DPYD: variants seen among roughly 807,000 people sequenced by gnomAD.
DPYD encodes dihydropyrimidine dehydrogenase [NADP(+)].
Under a neutral mutation model 116.2 loss-of-function variants are expected in DPYD, and 109 were observed. The observed-to-expected ratio is 0.94, with a 90% CI of 0.80 to 1.10. DPYD has a LOEUF of 1.10. Among genes scored for constraint, DPYD ranks in the 50% least tolerant of loss-of-function variants. The pLI is 0.00. For missense variants in DPYD, 1,302 were observed against 1,254.5 expected (o/e 1.04, Z -0.57); for synonymous variants, 440 against 432.0 (o/e 1.02, Z -0.23).
At chr1:97,189,482 T>A (rs1483038658) in intron 20 of DPYD, among the ~76,000 whole-genome samples, 1 of 152,212 alleles carries the variant, frequency 6.6e-6, no homozygotes, top group Non-Finnish European at 1.5e-5. Flanking sequence ...GCTTTTCCAG[T>A]TGCAAAATTT....
intron 19 of DPYD, among the ~76,000 whole-genome samples, chr1:97,208,242 C>T (rs1229260346): frequency 2.2e-5 from 3 of 135,864 alleles, no homozygotes; most frequent in Non-Finnish European, 4.8e-5. Context: ...TCTCTTTCTT[C>T]TTTCTCTTTC....
intron 8 of DPYD, among the ~76,000 whole-genome samples, chr1:97,610,168 A>C (rs2786500): frequency 0.15 from 23,442 of 151,906 alleles, 2,028 homozygotes; most frequent in African/African-American, 0.22. Context: ...TTAAACTATA[A>C]CTGTCCCAGA....
chr1:97,679,027 C>A (rs1571177066), intron 8 of DPYD, 68 bp downstream of exon 8: 1 of 734,792 alleles, frequency 1.4e-6, no homozygotes, highest in South Asian at 2.6e-5. Context: ...GGCAGTCATT[C>A]TTCTGGATAT....
At chr1:97,547,249 G>T (rs1304671272) in intron 12 of DPYD, among the ~76,000 whole-genome samples, 1 of 152,092 alleles carries the variant, frequency 6.6e-6, no homozygotes, top group Non-Finnish European at 1.5e-5. Context: ...AAATTACTCT[G>T]AAAATAAGAG....
At chr1:97,277,423 A>G (rs1665012283) in intron 18 of DPYD, among the ~76,000 whole-genome samples, 1 of 152,098 alleles carries the variant, frequency 6.6e-6, no homozygotes, top group Admixed American at 6.5e-5. Context: ...ATAAACAAAC[A>G]AACAAAATGC....
intron 12 of DPYD, among the ~76,000 whole-genome samples, chr1:97,533,888 A>G (rs2297779): frequency 0.011 from 1,629 of 152,168 alleles, 36 homozygotes; most frequent in African/African-American, 0.037. Flanking sequence ...TGTGAAGATC[A>G]AATGAGAAAA....
In DPYD at chr1:97,235,683, C is replaced by A. The variant is rs1338205784; in HGVS notation, c.2300-689G>T. On this transcript the variant is annotated intron_variant, in intron 18 of 22. Coordinates refer to ENST00000370192, the MANE Select transcript of DPYD (RefSeq NM_000110.4). ...CAGATTTTGAAAAGAAAAACAATCC[C>A]ATATAGTACATCAGTAGACATACAG... 2.6e-5 allele frequency among the ~76,000 whole-genome samples: 4 copies of A among 151,954 alleles called. No homozygotes were observed. In the East Asian group the frequency reaches 7.7e-4, roughly 29 times the overall value.
intron 11 of DPYD, 145 bp from the exon 12 acceptor site, chr1:97,549,889 G>A: frequency 1.0e-5 from 8 of 794,394 alleles, no homozygotes; most frequent in Non-Finnish European, 1.6e-5. Flanking sequence ...AAAATGAAAA[G>A]CTAACGAAAT....
chr1:97,832,560 A>G (rs1195538831), intron 2 of DPYD, among the ~76,000 whole-genome samples: 1 of 152,186 alleles, frequency 6.6e-6, no homozygotes, highest in East Asian at 1.9e-4. Context: ...TAATACCCAT[A>G]AATATTTTGC....
At chr1:97,118,616 G>A (rs766209883) in intron 20 of DPYD, among the ~76,000 whole-genome samples, 13 of 152,006 alleles carry the variant, frequency 8.6e-5, no homozygotes, top group Non-Finnish European at 1.8e-4. Flanking sequence ...TACTGAACGT[G>A]GAATCAATAC....
intron 6 of DPYD, among the ~76,000 whole-genome samples, chr1:97,695,425 T>C (rs1312248828): frequency 6.7e-6 from 1 of 149,414 alleles, no homozygotes; most frequent in Non-Finnish European, 1.5e-5. Flanking sequence ...AAAAACTTCC[T>C]CCTTGCATTT....
At chr1:97,371,537 A>C (rs1671311952) in intron 16 of DPYD, among the ~76,000 whole-genome samples, 4 of 152,204 alleles carry the variant, frequency 2.6e-5, no homozygotes, top group Admixed American at 2.6e-4. Context: ...AAGGGGTAAA[A>C]GGAACTAGAG....
rs370747370 is a variant in DPYD at position 97,221,371 on chromosome 1, T to A, written c.2442+13481A>T. Among the ~76,000 whole-genome samples, 82 of 125,926 alleles carry A rather than the reference T, an allele frequency of 6.5e-4. 4 individuals carry two copies. The South Asian group carries it at 0.028, about 44-fold the overall frequency. 82.6% of individuals were successfully genotyped at this position (125,926 alleles called of 152,430 possible). On this transcript the variant is annotated intron_variant, in intron 19 of 22. Transcript: ENST00000370192. The stretch of plus-strand genomic sequence containing the variant: ...TTCCTAGTCCTACTGGAAAGTCAAC[T>A]GATAAAATGAACCCAAGGAAATTAC...
intron 8 of DPYD, among the ~76,000 whole-genome samples, chr1:97,646,836 A>T (rs747038108): frequency 6.6e-5 from 10 of 152,058 alleles, no homozygotes; most frequent in Non-Finnish European, 1.3e-4. Flanking sequence ...ACTACTTGCA[A>T]ATATGGCTTA....
chr1:97,455,824 G>C (rs531542838), intron 13 of DPYD, among the ~76,000 whole-genome samples: 2 of 151,862 alleles, frequency 1.3e-5, no homozygotes, highest in Non-Finnish European at 2.9e-5. Context: ...AAGTGGGCAA[G>C]ATAAGTATTT....
chr1:97,745,273 C>A (rs1430417758), intron 3 of DPYD, among the ~76,000 whole-genome samples: 1 of 152,028 alleles, frequency 6.6e-6, no homozygotes, highest in African/African-American at 2.4e-5. Flanking sequence ...ATGCTGTGCA[C>A]CATTTGCCTT....
rs537029829 is a variant in DPYD, at chr1:97,871,573, A to C, written c.150+11691T>G. On this transcript the variant is annotated intron_variant, in intron 2 of 22. Transcript: ENST00000370192. Reference sequence around the variant, plus strand: ...GGCATCATGTTGAGGCTTTTTGGAGAAGGGAGAAATACAGGCAAAAAAAAA... The same window carrying C: ...GGCATCATGTTGAGGCTTTTTGGAGCAGGGAGAAATACAGGCAAAAAAAAA... Among the ~76,000 whole-genome samples, 6 of 150,610 alleles carry C rather than the reference A, an allele frequency of 4.0e-5. No homozygotes were observed. The South Asian group carries it at 1.3e-3, about 32-fold the overall frequency.
At chr1:97,309,185 A>G (rs1667341169) in intron 16 of DPYD, among the ~76,000 whole-genome samples, 1 of 151,908 alleles carries the variant, frequency 6.6e-6, no homozygotes, top group African/African-American at 2.4e-5. Flanking sequence ...TAATTAAGAA[A>G]AACAGAATAG....
intron 1 of DPYD, among the ~76,000 whole-genome samples, chr1:97,915,126 A>T (rs1674152413): frequency 6.6e-6 from 1 of 152,192 alleles, no homozygotes; most frequent in African/African-American, 2.4e-5. Context: ...TAGCTATTGC[A>T]TGAAATACAT....
Sources: allele counts gnomAD v4.1 joint callset (sites outside exome capture counted in the v4.1 genomes callset), GRCh38; gene constraint gnomAD v4.1.1; transcripts MANE v1.5; gene names NCBI Gene and HGNC (gene_info 2026-07-23, HGNC 2026-07-21).